The following CNTNAP2 variants were observed in gnomAD, a reference collection of about 807,000 sequenced individuals.
CNTNAP2 encodes contactin associated protein 2, also known as contactin-associated protein-like 2.
CNTNAP2 carries 98 observed loss-of-function variants against 155.2 expected under a neutral mutation model. The ratio of observed to expected loss-of-function variants is 0.63; its 90% confidence interval spans 0.54 to 0.75. The LOEUF (loss-of-function observed/expected upper bound fraction) is 0.75. Among genes scored for constraint, CNTNAP2 ranks in the 30% least tolerant of loss-of-function variants. CNTNAP2 has a pLI of 0.00. For synonymous variants in CNTNAP2, 651 were observed against 631.2 expected, an observed-to-expected ratio of 1.03 and a Z score of -0.47; for missense variants, 1,727 against 1,688.1, an observed-to-expected ratio of 1.02 and a Z score of -0.40.
chr7:146,970,451 C>T lies in CNTNAP2; in HGVS notation c.403-73456C>T, dbSNP rs376524485. Among the ~76,000 whole-genome samples, 3 of 152,266 alleles carry T rather than the reference C, an allele frequency of 2.0e-5. No homozygotes were observed. The East Asian group carries it at 5.8e-4, about 29-fold the overall frequency. On this transcript the variant is annotated intron_variant, in intron 3 of 23. Coordinates refer to ENST00000361727, the MANE Select transcript of CNTNAP2 (RefSeq NM_014141.6). Reference sequence around the variant, plus strand: ...AAGACATTTATGCAGCCAAAAAATACATGAAAAAATGCTCACCATCACTGT... The same window carrying T: ...AAGACATTTATGCAGCCAAAAAATATATGAAAAAATGCTCACCATCACTGT...
intron 1 of CNTNAP2, among the ~76,000 whole-genome samples, chr7:146,200,416 C>A (rs1407814894): frequency 6.6e-6 from 1 of 151,956 alleles, no homozygotes; most frequent in Non-Finnish European, 1.5e-5. Context: ...ATCACTTGAA[C>A]CCGGAAGGCG....
At chr7:146,640,263 C>T (rs550750540) in intron 1 of CNTNAP2, among the ~76,000 whole-genome samples, 2 of 152,232 alleles carry the variant, frequency 1.3e-5, no homozygotes, top group South Asian at 2.1e-4. Flanking sequence ...TTATACTGAA[C>T]GCTGATGTGA....
At chr7:146,992,529 A>G (rs1299085673) in intron 3 of CNTNAP2, among the ~76,000 whole-genome samples, 1 of 152,112 alleles carries the variant, frequency 6.6e-6, no homozygotes, top group Non-Finnish European at 1.5e-5. Flanking sequence ...TTCCTGCCTC[A>G]TAGATTGAAT....
chr7:147,070,569 C>T (rs1799871195), intron 4 of CNTNAP2, among the ~76,000 whole-genome samples: 1 of 152,126 alleles, frequency 6.6e-6, no homozygotes, highest in African/African-American at 2.4e-5. Flanking sequence ...TTACCCAATG[C>T]TAGGATTTTA....
chr7:147,279,543 T>C (rs1192563942), intron 8 of CNTNAP2, among the ~76,000 whole-genome samples: 8 of 151,848 alleles, frequency 5.3e-5, no homozygotes, highest in Admixed American at 6.6e-5. Flanking sequence ...TCTTCTTCAG[T>C]ATCATCTCAT....
At chr7:146,492,125 T>C (rs1797149569) in intron 1 of CNTNAP2, among the ~76,000 whole-genome samples, 1 of 151,916 alleles carries the variant, frequency 6.6e-6, no homozygotes, top group South Asian at 2.1e-4. Context: ...ACAAAACTTA[T>C]TTTGCGAGTT....
intron 15 of CNTNAP2, among the ~76,000 whole-genome samples, chr7:148,087,604 G>T (rs58311105): frequency 6.6e-6 from 1 of 151,958 alleles, no homozygotes; most frequent in Non-Finnish European, 1.5e-5. Context: ...TGATTTTTTA[G>T]TGTTTTAGTA....
intron 9 of CNTNAP2, among the ~76,000 whole-genome samples, chr7:147,345,030 CAT>C (rs1795830086): frequency 6.6e-6 from 1 of 151,912 alleles, no homozygotes; most frequent in Non-Finnish European, 1.5e-5. Context: ...TCTAGTTTGA[CAT>C]GTTTGTGTTT....
chr7:147,118,008 C>G (rs4416747), intron 5 of CNTNAP2, among the ~76,000 whole-genome samples: 15 of 151,888 alleles, frequency 9.9e-5, no homozygotes, highest in Admixed American at 2.6e-4. Context: ...TAATATAAAT[C>G]ATGAATAAGA....
At chr7:148,203,155 T>C (rs1325445220) in intron 18 of CNTNAP2, among the ~76,000 whole-genome samples, 3 of 152,296 alleles carry the variant, frequency 2.0e-5, no homozygotes, top group African/African-American at 7.2e-5. Flanking sequence ...AATACATCAC[T>C]AAGATGTCTT....
intron 9 of CNTNAP2, among the ~76,000 whole-genome samples, chr7:147,337,861 T>G (rs1304658482): frequency 6.6e-6 from 1 of 152,156 alleles, no homozygotes; most frequent in East Asian, 1.9e-4. Context: ...ACTCTAGTCA[T>G]CAGTAAAATG....
At chr7:147,874,023 G>A (rs180685923) in intron 13 of CNTNAP2, among the ~76,000 whole-genome samples, 17 of 152,324 alleles carry the variant, frequency 1.1e-4, no homozygotes, top group Non-Finnish European at 2.4e-4. Flanking sequence ...GCCAAAGGTT[G>A]GCTCACACAG....
At chr7:146,878,678 T>G (rs989341088) in intron 3 of CNTNAP2, among the ~76,000 whole-genome samples, 20 of 152,144 alleles carry the variant, frequency 1.3e-4, no homozygotes, top group Non-Finnish European at 2.2e-4. Flanking sequence ...ACCCCATTTC[T>G]GTGGACCTCC....
At chr7:146,434,823 G>GA (rs141766929) in intron 1 of CNTNAP2, among the ~76,000 whole-genome samples, 5,417 of 151,678 alleles carry the variant, frequency 0.036, 345 homozygotes, top group African/African-American at 0.12. Context: ...AATTCCTGGG[G>GA]AAAAAAAAGA....
chr7:147,084,704 CAT>C (rs1435131476), intron 4 of CNTNAP2, among the ~76,000 whole-genome samples: 3 of 146,540 alleles, frequency 2.0e-5, no homozygotes, highest in African/African-American at 7.4e-5. Context: ...ATACATAATG[CAT>C]ATATAATATA....
chr7:148,296,360 A>C (rs1797283564), intron 21 of CNTNAP2, among the ~76,000 whole-genome samples: 1 of 149,142 alleles, frequency 6.7e-6, no homozygotes, highest in African/African-American at 2.5e-5. Context: ...ACACAGTGAG[A>C]CCCCCCCCGC....
At chr7:146,254,557 GTAAA>G (rs1799809016) in intron 1 of CNTNAP2, among the ~76,000 whole-genome samples, 1 of 152,282 alleles carries the variant, frequency 6.6e-6, no homozygotes, top group African/African-American at 2.4e-5. Flanking sequence ...AAGTGTTCAG[GTAAA>G]TAAAACGTTA....
intron 10 of CNTNAP2, among the ~76,000 whole-genome samples, chr7:147,406,928 T>C (rs1456523418): frequency 3.3e-5 from 5 of 152,178 alleles, no homozygotes; most frequent in Non-Finnish European, 2.9e-5. Flanking sequence ...AGCATTAACT[T>C]TGTTTGCCTT....
intron 9 of CNTNAP2, among the ~76,000 whole-genome samples, chr7:147,330,897 G>A (rs1292192835): frequency 6.6e-6 from 1 of 152,074 alleles, no homozygotes; most frequent in Non-Finnish European, 1.5e-5. Context: ...AATATCTAAG[G>A]ACATTATGGA....
Sources: allele counts gnomAD v4.1 joint callset (sites outside exome capture counted in the v4.1 genomes callset), GRCh38; gene constraint gnomAD v4.1.1; transcripts MANE v1.5; gene names NCBI Gene and HGNC (gene_info 2026-07-23, HGNC 2026-07-21).